The following ABCD2 variants were observed in gnomAD, a reference collection of about 807,000 sequenced individuals.
ABCD2 encodes the protein ATP-binding cassette sub-family D member 2.
In ABCD2, 36 loss-of-function variants were observed where a neutral mutation model predicts 70.9. The observed-to-expected ratio is 0.51, with a 90% confidence interval of 0.39 to 0.67. ABCD2 has a LOEUF of 0.67. Among genes scored for constraint, ABCD2 ranks in the 30% least tolerant of loss-of-function variants. The pLI, the probability that ABCD2 is intolerant of heterozygous loss-of-function variation, is 0.00. For synonymous variants in ABCD2, 304 were observed against 306.9 expected (o/e 0.99, Z 0.10); for missense variants, 729 against 890.2 (o/e 0.82, Z 2.30).
Position 39,574,053 on chromosome 12 carries a change from G to A in ABCD2, c.1878-212C>T, listed in dbSNP as rs186981603. Among the ~76,000 whole-genome samples the A allele has an allele frequency of 5.3e-3, 803 of 152,088 alleles. 2 individuals are homozygous for A. The highest frequency in any genetic ancestry group is 7.8e-3 in the Non-Finnish European group (529 of 67,952). The stretch of plus-strand genomic sequence containing the variant: ...AATACATTTAAATAGATTTTCTGAC[G>A]CTTTCTAATAATACAATAAGCTTTA... On this transcript the variant is annotated intron_variant, in intron 8 of 9. Transcript: ENST00000308666.
At chr12:39,601,595 T>G (rs1226710942) in intron 5 of ABCD2, among the ~76,000 whole-genome samples, 1 of 152,012 alleles carries the variant, frequency 6.6e-6, no homozygotes, top group African/African-American at 2.4e-5. Flanking sequence ...TTTAAAATTT[T>G]TATCTACTTC....
In ABCD2 at chr12:39,561,852, T is replaced by G. The variant is rs1050743433; in HGVS notation, c.2004-7721A>C. 5.3e-5 allele frequency among the ~76,000 whole-genome samples: 8 copies of G among 152,176 alleles called. No homozygotes were observed. In the East Asian group the frequency reaches 1.4e-3, roughly 26 times the overall value. On this transcript the variant is annotated intron_variant, in intron 9 of 9. Coordinates refer to ENST00000308666, the MANE Select transcript of ABCD2 (RefSeq NM_005164.4). ...TAAACCAAATGGATCTAACAAACAT[T>G]TATAGAAAATTTCATCAAAAAGCTT...
At chr12:39,567,619 A>T (rs1030297129) in intron 9 of ABCD2, among the ~76,000 whole-genome samples, 16 of 138,884 alleles carry the variant, frequency 1.2e-4, no homozygotes, top group African/African-American at 2.9e-4. Context: ...TGGAGCATTT[A>T]GCCCATTTAC....
chr12:39,563,085 G>A (rs1941284971), intron 9 of ABCD2, among the ~76,000 whole-genome samples: 1 of 152,046 alleles, frequency 6.6e-6, no homozygotes, highest in African/African-American at 2.4e-5. Context: ...AATTGACACA[G>A]AACAAGCATT....
chr12:39,552,695 T>C lies in ABCD2; in HGVS notation c.*1217A>G, dbSNP rs778143674. The stretch of plus-strand genomic sequence containing the variant: ...CCGCAGAACAATGATCTTTGCACTT[T>C]GTACTTAATTTTCATTTCTTGTAAA... On this transcript the variant is annotated 3_prime_UTR_variant, in exon 10 of 10. Coordinates refer to ENST00000308666, the MANE Select transcript of ABCD2 (RefSeq NM_005164.4). The C allele has an allele frequency of 2.1e-4, 32 of 151,978 alleles. No individual in the cohort carries two copies. The highest frequency in any genetic ancestry group is 2.6e-4 in the Admixed American group (4 of 15,232). The allele number at this position is 151,978 out of a possible 1,614,324, so 9.4% of individuals were successfully genotyped here.
intron 9 of ABCD2, among the ~76,000 whole-genome samples, chr12:39,560,214 A>G (rs1048623864): frequency 3.3e-5 from 5 of 152,020 alleles, no homozygotes; most frequent in Non-Finnish European, 7.4e-5. Context: ...CCTGTGTCCA[A>G]GTGTTCTCAT....
intron 8 of ABCD2, among the ~76,000 whole-genome samples, chr12:39,578,204 G>A (rs1207553334): frequency 6.6e-6 from 1 of 152,240 alleles, no homozygotes; most frequent in Non-Finnish European, 1.5e-5. Flanking sequence ...GCCGGGTGAG[G>A]TGGCTTACGC....
chr12:39,610,917 G>T (rs895888375), intron 2 of ABCD2, among the ~76,000 whole-genome samples: 9 of 152,150 alleles, frequency 5.9e-5, no homozygotes, highest in Non-Finnish European at 1.2e-4. Context: ...TAGTGCCAGA[G>T]ATATAAATCC....
At chr12:39,561,979 A>C (rs1347593361) in intron 9 of ABCD2, among the ~76,000 whole-genome samples, 1 of 152,326 alleles carries the variant, frequency 6.6e-6, no homozygotes, top group Middle Eastern at 3.4e-3. Context: ...GATTGAAATT[A>C]TATCAAGTGT....
chr12:39,611,813 A>ATG (rs147462265), intron 2 of ABCD2, among the ~76,000 whole-genome samples: 7 of 150,842 alleles, frequency 4.6e-5, no homozygotes, highest in Non-Finnish European at 7.4e-5. Context: ...GTGTATGTGT[A>ATG]TGTGTGTGTG....
chr12:39,569,184 T>A (rs1591973789), intron 9 of ABCD2, among the ~76,000 whole-genome samples: 1 of 152,230 alleles, frequency 6.6e-6, no homozygotes, highest in East Asian at 1.9e-4. Context: ...GTCTGCAGAG[T>A]ATTCTGCTGC....
chr12:39,584,668 C>G lies in ABCD2; in HGVS notation c.1792+1484G>C, dbSNP rs1437119035. 2.0e-5 allele frequency among the ~76,000 whole-genome samples: 3 copies of G among 152,066 alleles called. No homozygotes were observed. In the East Asian group the frequency reaches 5.8e-4, roughly 29 times the overall value. On this transcript the variant is annotated intron_variant, in intron 7 of 9. Coordinates refer to ENST00000308666, the MANE Select transcript of ABCD2 (RefSeq NM_005164.4). ...AGTTTGGGGTTTTACATTTAAGTCT[C>G]TAATCCATCTTGTGTTGATTTTTGT...
intron 9 of ABCD2, among the ~76,000 whole-genome samples, chr12:39,555,381 T>C (rs1941148960): frequency 6.6e-6 from 1 of 152,172 alleles, no homozygotes; most frequent in Non-Finnish European, 1.5e-5. Context: ...GACTCTACAG[T>C]GATCATCCGC....
In ABCD2 at chr12:39,565,061, G is replaced by A. The variant is rs1410438628; in HGVS notation, c.2003+8655C>T. Among the ~76,000 whole-genome samples the A allele has an allele frequency of 8.5e-5, 13 of 152,250 alleles. No homozygotes were observed. The Middle Eastern group carries it at 0.01, about 120-fold the overall frequency. On this transcript the variant is annotated intron_variant, in intron 9 of 9. Transcript: ENST00000308666. Reference sequence around the variant, plus strand: ...GTAGTATAGTTTGAAGTCGGGTAGCGTGATGCCTCCAGCTTTGTTCTTTTA... The same window carrying A: ...GTAGTATAGTTTGAAGTCGGGTAGCATGATGCCTCCAGCTTTGTTCTTTTA...
the ABCD2 span, among the ~76,000 whole-genome samples, chr12:39,532,027 C>G: frequency 6.6e-6 from 1 of 152,136 alleles, no homozygotes; most frequent in Non-Finnish European, 1.5e-5. Context: ...CTGGAAACCT[C>G]AATTAGGTGG....
intron 9 of ABCD2, among the ~76,000 whole-genome samples, chr12:39,566,901 T>C (rs938014002): frequency 6.6e-6 from 1 of 152,250 alleles, no homozygotes. Context: ...CAGTAGTCAC[T>C]CAGGAGCAGG....
chr12:39,581,500 T>C (rs1941595183), intron 7 of ABCD2, among the ~76,000 whole-genome samples: 1 of 152,128 alleles, frequency 6.6e-6, no homozygotes, highest in Admixed American at 6.6e-5. Flanking sequence ...GGAAAAATAA[T>C]CTTAAAATAC....
Position 39,554,160 on chromosome 12 carries a change from T to C in ABCD2, c.2004-29A>G. Reference sequence around the variant, plus strand: ...CATAATTAAAATGAAATAATATTATTAGCCATAATGTTGAAAAATCATTTT... The same window carrying C: ...CATAATTAAAATGAAATAATATTATCAGCCATAATGTTGAAAAATCATTTT... On this transcript the variant is annotated intron_variant, in intron 9 of 9. Coordinates refer to ENST00000308666, the MANE Select transcript of ABCD2 (RefSeq NM_005164.4). 3.2e-6 allele frequency: 5 copies of C among 1,575,156 alleles called. No individual in the cohort carries two copies. In the South Asian group the frequency reaches 4.6e-5, roughly 15 times the overall value.
chr12:39,563,986 C>A (rs1304087207), intron 9 of ABCD2, among the ~76,000 whole-genome samples: 1 of 152,150 alleles, frequency 6.6e-6, no homozygotes, highest in African/African-American at 2.4e-5. Context: ...CATAGTATTC[C>A]ATGGTGTATA....
Sources: gnomAD v4.1 joint callset for allele counts (sites outside exome capture counted in the v4.1 genomes callset) on GRCh38, gnomAD v4.1.1 for gene constraint, MANE v1.5 for transcripts, NCBI Gene and HGNC (gene_info 2026-07-23, HGNC 2026-07-21) for gene names.